Variants in ST3GAL4 observed in about 807,000 individuals in gnomAD.
ST3GAL4 encodes CMP-N-acetylneuraminate-beta-galactosamide-alpha-2,3-sialyltransferase 4.
In ST3GAL4, 24 loss-of-function variants were observed where a neutral mutation model predicts 42.6. The ratio of observed to expected loss-of-function variants is 0.56; its 90% CI spans 0.41 to 0.79. The LOEUF (loss-of-function observed/expected upper bound fraction) is 0.79, where lower values mean the gene tolerates loss of function less well. Ranked by LOEUF, ST3GAL4 falls within the 30% of genes least tolerant of loss-of-function variation. ST3GAL4 has a pLI of 0.00. For synonymous variants in ST3GAL4, 135 were observed against 163.2 expected, an observed-to-expected ratio of 0.83 and a Z score of 1.32; for missense variants, 311 against 430.8, an observed-to-expected ratio of 0.72 and a Z score of 2.46.
intron 1 of ST3GAL4, among the ~76,000 whole-genome samples, chr11:126,404,195 G>T (rs1270049619): frequency 6.6e-6 from 1 of 152,162 alleles, no homozygotes; most frequent in African/African-American, 2.4e-5. Context: ...GATTTTATAG[G>T]TCTGGAAGGG....
chr11:126,391,936 C>CATT lies in ST3GAL4; in HGVS notation c.-60-14160_-60-14159insATT, dbSNP rs147051433. 6.9e-6 allele frequency among the ~76,000 whole-genome samples: 1 copy of CATT among 144,392 alleles called. No homozygotes were observed. Among genetic ancestry groups the CATT allele is most frequent in the African/African-American group, 2.6e-5 (1 of 38,114 alleles). 94.7% of individuals were successfully genotyped at this position (144,392 alleles called of 152,430 possible). A position where few individuals can be genotyped will look rare whatever the true frequency, so the allele number is the denominator to read the frequency against. ...CTCAGAACACCTGTGATAACTTGGT[C>CATT]GTGTGTGTGTGTGTGTGTGTGTGTG... is the stretch of plus-strand genomic sequence containing the variant. On this transcript the variant is annotated intron_variant, in intron 1 of 10. Coordinates refer to ENST00000444328, the MANE Select transcript of ST3GAL4 (RefSeq NM_001254757.2). This position sits in a 1 kb window ranked among gnomAD's most constrained non-coding sequence, Gnocchi z 5.5.
intron 9 of ST3GAL4, among the ~76,000 whole-genome samples, chr11:126,412,301 T>C (rs1167858991): frequency 6.6e-6 from 1 of 151,968 alleles, no homozygotes; most frequent in African/African-American, 2.4e-5. Flanking sequence ...GAGTGGAAGA[T>C]GAGAAGACAG....
In ST3GAL4 at chr11:126,396,225, T is replaced by C. The variant is rs1175996165; in HGVS notation, c.-60-9871T>C. Among the ~76,000 whole-genome samples the C allele has an allele frequency of 6.6e-6, 1 of 151,912 alleles. No homozygotes were observed. Among genetic ancestry groups the C allele is most frequent in the Admixed American group, 6.6e-5 (1 of 15,258 alleles). ...GCAGCGGACACTAAGCCGAGAGGAA[T>C]CGCTGTGGGTTGGCAGACACTGTGG... On this transcript the variant is annotated intron_variant, in intron 1 of 10. Transcript: ENST00000444328. This position sits in a 1 kb window ranked among gnomAD's most constrained non-coding sequence, Gnocchi z 5.8.
intron 1 of ST3GAL4, among the ~76,000 whole-genome samples, chr11:126,362,853 C>T (rs537564795): frequency 6.6e-6 from 1 of 152,190 alleles, no homozygotes; most frequent in East Asian, 1.9e-4. Flanking sequence ...CAGAGGTTGG[C>T]TGTCATATTG....
intron 1 of ST3GAL4, among the ~76,000 whole-genome samples, chr11:126,372,446 C>T (rs1185398082): frequency 2.1e-5 from 3 of 144,378 alleles, no homozygotes; most frequent in Non-Finnish European, 3.0e-5. Flanking sequence ...GACAGAGTTT[C>T]GCTCTTGCTG....
Position 126,408,440 on chromosome 11 carries a change from GC to G in ST3GAL4, c.572del (p.Ala191ValfsTer14). The part of the protein sequence containing the change: ...NNPDTLLVLV[A>X]FKAMDFHWIE... ...CCCAGACACACTCCTCGTCCTGGTA[GC>G]TTTCAAGGCAATGGACTTCCACTGG... On this transcript the variant is annotated frameshift_variant, in exon 8 of 11. Coordinates refer to ENST00000444328, the MANE Select transcript of ST3GAL4 (RefSeq NM_001254757.2). LOFTEE classifies it high-confidence loss of function. 1 of 1,614,228 alleles carries G rather than the reference GC, an allele frequency of 6.2e-7. No homozygotes were observed. Among genetic ancestry groups the G allele is most frequent in the Non-Finnish European group, 8.5e-7 (1 of 1,180,050 alleles).
rs367775095 is a variant in ST3GAL4, at chr11:126,407,363, C to T, written c.280+14C>T. On this transcript the variant is annotated intron_variant, in intron 5 of 10. Coordinates refer to ENST00000444328, the MANE Select transcript of ST3GAL4 (RefSeq NM_001254757.2). ...CCAAGGGGAGTGGTAAGTTCCTACC[C>T]GGCTCGTGGGAACCATGGGCTCACC... 1.5e-5 allele frequency: 24 copies of T among 1,612,238 alleles called. No homozygotes were observed. Among genetic ancestry groups the T allele is most frequent in the East Asian group, 2.2e-5 (1 of 44,872 alleles).
chr11:126,375,278 G>A (rs1371508837), intron 1 of ST3GAL4, among the ~76,000 whole-genome samples: 2 of 152,216 alleles, frequency 1.3e-5, no homozygotes, highest in Non-Finnish European at 2.9e-5. Context: ...GGGCTGTGGG[G>A]GCTAGAGACT....
Position 126,386,643 on chromosome 11 carries a change from G to A in ST3GAL4, c.-60-19453G>A, listed in dbSNP as rs114622694. Among the ~76,000 whole-genome samples, 4,246 of 152,112 alleles carry A rather than the reference G, an allele frequency of 0.028. 209 individuals are homozygous for A. The highest frequency in any genetic ancestry group is 0.095 in the African/African-American group (3,947 of 41,512). On this transcript the variant is annotated intron_variant, in intron 1 of 10. Transcript: ENST00000444328. The surrounding 1 kb of genome is among the most constrained non-coding windows in gnomAD (Gnocchi z 4.7). ...ACAAAAGGTGGCTGGAGCCAGCTCT[G>A]CAGAAGCCACACCTGCTCATGAGAA...
intron 1 of ST3GAL4, among the ~76,000 whole-genome samples, chr11:126,387,324 T>A (rs900998774): frequency 6.6e-6 from 1 of 152,242 alleles, no homozygotes; most frequent in African/African-American, 2.4e-5. Flanking sequence ...AATATTTTTT[T>A]TCTTCCTCCT....
At position 126,384,348 on chromosome 11, in the gene ST3GAL4, G is replaced by A. The variant is rs1953132404; in HGVS notation, c.-60-21748G>A. Among the ~76,000 whole-genome samples the A allele has an allele frequency of 6.6e-6, 1 of 152,182 alleles. No individual in the cohort carries two copies. The highest frequency in any genetic ancestry group is 1.5e-5 in the Non-Finnish European group (1 of 68,036). Reference sequence around the variant, plus strand: ...AGCTGAGAGCCTGAATTCAGAGGCTGTACTGTGGGGCAGGGCTGGAATTTG... The same window carrying A: ...AGCTGAGAGCCTGAATTCAGAGGCTATACTGTGGGGCAGGGCTGGAATTTG... On this transcript the variant is annotated intron_variant, in intron 1 of 10. Coordinates refer to ENST00000444328, the MANE Select transcript of ST3GAL4 (RefSeq NM_001254757.2). The surrounding 1 kb of genome is among the most constrained non-coding windows in gnomAD (Gnocchi z 5.5).
rs56934015 is a variant in ST3GAL4 at position 126,391,969 on chromosome 11, G to GTGTA, written c.-60-14123_-60-14120dup. Among the ~76,000 whole-genome samples, 6 of 147,628 alleles carry GTGTA rather than the reference G, an allele frequency of 4.1e-5. No homozygotes were observed. The East Asian group carries it at 5.9e-4, about 14-fold the overall frequency. The stretch of plus-strand genomic sequence containing the variant: ...TGTGTGTGTGTGTGTGTGTGTGTGT[G>GTGTA]TGTATGTGTGTGTATGTGTATATAT... On this transcript the variant is annotated intron_variant, in intron 1 of 10. Coordinates refer to ENST00000444328, the MANE Select transcript of ST3GAL4 (RefSeq NM_001254757.2). This position sits in a 1 kb window ranked among gnomAD's most constrained non-coding sequence, Gnocchi z 5.5.
At position 126,406,066 on chromosome 11, in the gene ST3GAL4, G is replaced by C. The variant is rs769194483; in HGVS notation, c.-60-30G>C. The C allele has an allele frequency of 7.3e-5, 114 of 1,551,122 alleles. No individual in the cohort carries two copies. Among genetic ancestry groups the C allele is most frequent in the East Asian group, 9.8e-5 (4 of 40,926 alleles). On this transcript the variant is annotated intron_variant, in intron 1 of 10. Transcript: ENST00000444328. The surrounding 1 kb of genome is among the most constrained non-coding windows in gnomAD (Gnocchi z 5.4). ...TCTAGGCAGGAGAGTTTGTGAAGCTGACCGGACACCTGTGGCTCTTATTTC... is the reference window on the plus strand; with the variant it reads ...TCTAGGCAGGAGAGTTTGTGAAGCTCACCGGACACCTGTGGCTCTTATTTC...
Position 126,392,960 on chromosome 11 carries a change from CTTTTT to C in ST3GAL4, c.-60-13122_-60-13118del, listed in dbSNP as rs34002567. On this transcript the variant is annotated intron_variant, in intron 1 of 10. Coordinates refer to ENST00000444328, the MANE Select transcript of ST3GAL4 (RefSeq NM_001254757.2). This position sits in a 1 kb window ranked among gnomAD's most constrained non-coding sequence, Gnocchi z 5.8. The stretch of plus-strand genomic sequence containing the variant: ...ATTTGTAACACGACCAACTCCTGTT[CTTTTT>C]TTTTTTTTTTTTTGAGACAGGCTAG... Among the ~76,000 whole-genome samples, 1 of 127,832 alleles carries C rather than the reference CTTTTT, an allele frequency of 7.8e-6. No homozygotes were observed. The highest frequency in any genetic ancestry group is 8.0e-5 in the Admixed American group (1 of 12,454). The allele number at this position is 127,832 out of a possible 152,430, so 83.9% of individuals were successfully genotyped here.
At chr11:126,402,676 G>A (rs1451371272) in intron 1 of ST3GAL4, among the ~76,000 whole-genome samples, 1 of 152,180 alleles carries the variant, frequency 6.6e-6, no homozygotes, top group South Asian at 2.1e-4. Flanking sequence ...TGCCCCACTT[G>A]GTTGGGCGGG....
At position 126,414,143 on chromosome 11, in the gene ST3GAL4, T is replaced by G; in HGVS notation, c.*96T>G. ...GGTGGCTGGTGCCAGTATGACCCACTTGGACTCACCCCCTCTTGGGGAGGG... is the reference window on the plus strand; with the variant it reads ...GGTGGCTGGTGCCAGTATGACCCACGTGGACTCACCCCCTCTTGGGGAGGG... On this transcript the variant is annotated 3_prime_UTR_variant, in exon 11 of 11. Coordinates refer to ENST00000444328, the MANE Select transcript of ST3GAL4 (RefSeq NM_001254757.2). The G allele has an allele frequency of 8.3e-7, 1 of 1,202,614 alleles. No homozygotes were observed. The highest frequency in any genetic ancestry group is 1.2e-6 in the Non-Finnish European group (1 of 809,674). The allele number at this position is 1,202,614 out of a possible 1,614,324, so 74.5% of individuals were successfully genotyped here. A position where few individuals can be genotyped will look rare whatever the true frequency, so the allele number is the denominator to read the frequency against.
intron 6 of ST3GAL4, 38 bp downstream of exon 6, chr11:126,407,672 C>T (rs765067564): frequency 1.4e-5 from 22 of 1,608,182 alleles, no homozygotes; most frequent in Non-Finnish European, 1.9e-5. Context: ...GGCACCTTCT[C>T]CTATTTCCTG....
chr11:126,412,803 G>T (rs959118843), intron 9 of ST3GAL4, among the ~76,000 whole-genome samples: 7 of 152,242 alleles, frequency 4.6e-5, no homozygotes, highest in African/African-American at 1.4e-4. Flanking sequence ...CTTTGAATGA[G>T]TTGCTTAACG....
chr11:126,397,295 A>T lies in ST3GAL4; in HGVS notation c.-60-8801A>T, dbSNP rs904077789. ...TCATTTAGGCAAGCTAGGAAAGCAC[A>T]GAATGATATAACACAAAGTTACATT... On this transcript the variant is annotated intron_variant, in intron 1 of 10. Transcript: ENST00000444328. The surrounding 1 kb of genome is among the most constrained non-coding windows in gnomAD (Gnocchi z 5.0). Among the ~76,000 whole-genome samples, 1 of 152,174 alleles carries T rather than the reference A, an allele frequency of 6.6e-6. No homozygotes were observed. The highest frequency in any genetic ancestry group is 1.5e-5 in the Non-Finnish European group (1 of 68,046).
Sources: allele counts gnomAD v4.1 joint callset (sites outside exome capture counted in the v4.1 genomes callset), GRCh38; gene constraint gnomAD v4.1.1; non-coding constraint Gnocchi (gnomAD v3.1); transcripts MANE v1.5; gene names NCBI Gene and HGNC (gene_info 2026-07-23, HGNC 2026-07-21).